FOXP2: variants seen among roughly 807,000 people sequenced by gnomAD.
The protein encoded by FOXP2 is forkhead box P2, also known as forkhead box protein P2.
A neutral mutation model predicts 115.8 loss-of-function variants in FOXP2; 12 were observed. The ratio of observed to expected loss-of-function variants is 0.10; its 90% CI spans 0.07 to 0.17. The LOEUF (loss-of-function observed/expected upper bound fraction) is 0.17. Among genes scored for constraint, FOXP2 ranks in the 10% least tolerant of loss-of-function variants. FOXP2 has a pLI of 1.00. For synonymous variants in FOXP2, 328 were observed against 297.7 expected (o/e 1.10, Z -1.05); for missense variants, 629 against 843.5 (o/e 0.75, Z 3.15).
intron 16 of FOXP2, chr7:114,668,439 T>G (rs1807297246): frequency 6.6e-6 from 1 of 152,134 alleles, no homozygotes; most frequent in Admixed American, 6.6e-5. Flanking sequence ...TTTATTTCGC[T>G]CACACTATTT....
At chr7:114,642,812 A>ATATATATATATT (rs1308357594) in intron 7 of FOXP2, among the ~76,000 whole-genome samples, 189 bp downstream of exon 7, 10 of 72,422 alleles carry the variant, frequency 1.4e-4, no homozygotes, top group Admixed American at 2.0e-4. Flanking sequence ...ATATATATAT[A>ATATATATATATT]TTTTTTTTTT....
intron 3 of FOXP2, among the ~76,000 whole-genome samples, chr7:114,601,299 A>G (rs999203063): frequency 8.5e-5 from 13 of 152,166 alleles, no homozygotes; most frequent in African/African-American, 2.9e-4. Context: ...TTTGCAGAAT[A>G]GAAATTTCAT....
intron 1 of FOXP2, among the ~76,000 whole-genome samples, chr7:114,113,695 G>T (rs1016125186): frequency 1.3e-5 from 2 of 151,912 alleles, no homozygotes; most frequent in Non-Finnish European, 2.9e-5. Flanking sequence ...TTATAGATGG[G>T]GTCTTGCTAT....
At chr7:114,248,181 A>G (rs1413758977) in intron 1 of FOXP2, among the ~76,000 whole-genome samples, 2 of 9,448 alleles carry the variant, frequency 2.1e-4, no homozygotes, top group Admixed American at 1.5e-3. Context: ...GCTTAAAAAC[A>G]GAGAGAGAGA....
At chr7:114,653,402 C>G in intron 9 of FOXP2, 1 of 162,648 alleles carries the variant, frequency 6.1e-6, no homozygotes. Flanking sequence ...GACTCCGTGG[C>G]AGAGTTCAGC....
At chr7:114,349,328 C>T (rs577614765) in intron 2 of FOXP2, among the ~76,000 whole-genome samples, 13 of 151,684 alleles carry the variant, frequency 8.6e-5, no homozygotes, top group Non-Finnish European at 1.3e-4. Context: ...AAACCATTAC[C>T]GATACTATGA....
intron 2 of FOXP2, chr7:114,297,473 A>G (rs114921148): frequency 2.7e-6 from 1 of 375,948 alleles, no homozygotes; most frequent in African/African-American, 2.1e-5. Context: ...CACTATATGC[A>G]TTTTTTGCCT....
At chr7:114,384,870 G>T (rs1792403060) in intron 2 of FOXP2, among the ~76,000 whole-genome samples, 1 of 151,696 alleles carries the variant, frequency 6.6e-6, no homozygotes, top group Admixed American at 6.6e-5. Flanking sequence ...CCCATCCTTG[G>T]TTACTGGGTT....
intron 1 of FOXP2, among the ~76,000 whole-genome samples, chr7:114,093,623 C>T (rs1799584975): frequency 6.6e-6 from 1 of 151,526 alleles, no homozygotes; most frequent in Admixed American, 6.6e-5. Flanking sequence ...TTTGAAATTA[C>T]TTTTTACTTT....
intron 2 of FOXP2, among the ~76,000 whole-genome samples, chr7:114,492,374 AC>A (rs1346472282): frequency 6.6e-6 from 1 of 152,030 alleles, no homozygotes; most frequent in East Asian, 1.9e-4. Flanking sequence ...TCCTGGATTC[AC>A]TGATTTTTTG....
At chr7:114,328,239 T>TTTC (rs1562872650) in intron 2 of FOXP2, among the ~76,000 whole-genome samples, 6 of 142,976 alleles carry the variant, frequency 4.2e-5, no homozygotes, top group African/African-American at 1.6e-4. Flanking sequence ...TTTTCTTTTT[T>TTTC]TTTTTTTTTT....
At chr7:114,342,912 C>CA (rs1447955421) in intron 2 of FOXP2, among the ~76,000 whole-genome samples, 1 of 151,552 alleles carries the variant, frequency 6.6e-6, no homozygotes, top group Non-Finnish European at 1.5e-5. Flanking sequence ...TATGTTCTCA[C>CA]ACTCTTTAGA....
intron 3 of FOXP2, among the ~76,000 whole-genome samples, chr7:114,542,794 G>T (rs199911914): frequency 1.1e-3 from 149 of 138,924 alleles, no homozygotes; most frequent in Non-Finnish European, 1.4e-3. Flanking sequence ...TTTGTTTTTT[G>T]TTTTTTTTTT....
chr7:114,527,912 C>T (rs1357033759), intron 2 of FOXP2, among the ~76,000 whole-genome samples: 2 of 152,016 alleles, frequency 1.3e-5, no homozygotes, highest in East Asian at 3.9e-4. Context: ...TGGACAGTTG[C>T]ACGTACGTTT....
intron 2 of FOXP2, among the ~76,000 whole-genome samples, chr7:114,389,386 A>G (rs2129193833): frequency 6.6e-6 from 1 of 152,306 alleles, no homozygotes; most frequent in East Asian, 1.9e-4. Context: ...TGGGGCCTTA[A>G]AGAAATGTTA....
intron 2 of FOXP2, among the ~76,000 whole-genome samples, chr7:114,359,018 C>T (rs1485709362): frequency 1.3e-5 from 2 of 152,130 alleles, no homozygotes; most frequent in Non-Finnish European, 2.9e-5. Context: ...AAAATGTCTT[C>T]AGGGCTTATC....
intron 2 of FOXP2, among the ~76,000 whole-genome samples, chr7:114,439,845 G>A (rs1794523743): frequency 6.6e-6 from 1 of 152,016 alleles, no homozygotes; most frequent in South Asian, 2.1e-4. Flanking sequence ...AAGTGCTGCT[G>A]TTACAGACAT....
At chr7:114,360,834 G>A (rs1352761145) in intron 2 of FOXP2, among the ~76,000 whole-genome samples, 1 of 152,274 alleles carries the variant, frequency 6.6e-6, no homozygotes, top group East Asian at 1.9e-4. Context: ...TAATAAAGAT[G>A]AGCCGAATAG....
rs398005920 is a variant in FOXP2 at position 114,378,684 on chromosome 7, C to CAAAA, written c.-10-47804_-10-47801dup. Reference sequence around the variant, plus strand: ...GTGAGACAATGTAAGACCCTGTCTCCAAAAAAAAAAAAAAAAAGGAAAAGA... The same window carrying CAAAA: ...GTGAGACAATGTAAGACCCTGTCTCCAAAAAAAAAAAAAAAAAAAAAGGAAAAGA... On this transcript the variant is annotated intron_variant, in intron 2 of 17. Coordinates refer to the FOXP2 transcript ENST00000634411. 3.0e-3 allele frequency among the ~76,000 whole-genome samples: 55 copies of CAAAA among 18,096 alleles called. 1 individual carries two copies. The highest frequency in any genetic ancestry group is 5.0e-3 in the East Asian group (2 of 400). The allele number at this position is 18,096 out of a possible 152,430, so 11.9% of individuals were successfully genotyped here.
Sources: allele counts gnomAD v4.1 joint callset (sites outside exome capture counted in the v4.1 genomes callset), GRCh38; gene constraint gnomAD v4.1.1; transcripts MANE v1.5; gene names NCBI Gene and HGNC (gene_info 2026-07-23, HGNC 2026-07-21).